KLHDC4: variants seen among roughly 807,000 people sequenced by gnomAD.
KLHDC4 encodes the protein kelch domain containing 4.
A neutral mutation model predicts 62.4 loss-of-function variants in KLHDC4; 90 were observed. The observed-to-expected ratio is 1.44, with a 90% CI of 1.22 to 1.72. The LOEUF (loss-of-function observed/expected upper bound fraction) is 1.72, where lower values mean the gene tolerates loss of function less well. Among genes scored for constraint, KLHDC4 ranks in the 40% most tolerant of loss-of-function variants. The pLI is 0.00. For synonymous variants in KLHDC4, 386 were observed against 284.4 expected (o/e 1.36, Z -3.59); for missense variants, 1,025 against 699.7 (o/e 1.47, Z -5.25).
chr16:87,707,470 C>G (rs559786546), downstream of KLHDC4, among the ~76,000 whole-genome samples: 1 of 152,086 alleles, frequency 6.6e-6, no homozygotes, highest in Non-Finnish European at 1.5e-5. Context: ...ACGAGACCCC[C>G]GTGTGCAGCC....
intron 4 of KLHDC4, among the ~76,000 whole-genome samples, chr16:87,754,371 G>C (rs1407404035): frequency 6.6e-6 from 1 of 152,256 alleles, no homozygotes; most frequent in Non-Finnish European, 1.5e-5. Flanking sequence ...AAATACAAGC[G>C]TATACAAATC....
exon 1 of KLHDC4, chr16:87,699,366 G>C (rs575870454): frequency 6.6e-6 from 1 of 152,258 alleles, no homozygotes; most frequent in Non-Finnish European, 1.5e-5. Context: ...CAATGCCTGA[G>C]CCGAGCTAAC....
At chr16:87,762,951 C>G (rs1412546167) in intron 1 of KLHDC4, among the ~76,000 whole-genome samples, 1 of 152,176 alleles carries the variant, frequency 6.6e-6, no homozygotes, top group Non-Finnish European at 1.5e-5. Context: ...CCAAGATACA[C>G]CAGCGTCCTC....
At chr16:87,762,203 G>T in intron 1 of KLHDC4, 163 bp from the exon 2 acceptor site, 2 of 1,404,154 alleles carry the variant, frequency 1.4e-6, no homozygotes, top group Non-Finnish European at 1.9e-6. Context: ...TGACACATTC[G>T]AAAGTAACCA....
intron 10 of KLHDC4, 87 bp downstream of exon 10, chr16:87,709,178 A>G: frequency 6.7e-7 from 1 of 1,503,126 alleles, no homozygotes; most frequent in Non-Finnish European, 9.0e-7. Flanking sequence ...GCCTCTGGGC[A>G]GCTTGCAGGG....
At chr16:87,765,675 C>G (rs896671586) in intron 1 of KLHDC4, 117 bp downstream of exon 1, 90 of 1,000,228 alleles carry the variant, frequency 9.0e-5, no homozygotes, top group Non-Finnish European at 1.1e-4. Context: ...GCCTCCAGCT[C>G]TCCCGCAGGG....
At chr16:87,755,737 G>C (rs897902476) in intron 3 of KLHDC4, 8 of 180,152 alleles carry the variant, frequency 4.4e-5, no homozygotes, top group Non-Finnish European at 9.5e-5. Flanking sequence ...GCTAATTTTT[G>C]TATCGTTAGC....
Position 87,755,084 on chromosome 16 carries a change from A to G in KLHDC4, c.369+110T>C. 3 of 688,464 alleles carry G rather than the reference A, an allele frequency of 4.4e-6. No homozygotes were observed. In the South Asian group the frequency reaches 5.3e-5, roughly 12 times the overall value. 42.6% of individuals were successfully genotyped at this position (688,464 alleles called of 1,614,324 possible). On this transcript the variant is annotated intron_variant, in intron 4 of 11. Coordinates refer to ENST00000270583, the MANE Select transcript of KLHDC4 (RefSeq NM_017566.4). Reference sequence around the variant, plus strand: ...CAAACAGCAGAACCAGGCGATCTACAGGGCCCAGCCCCTCCGCACCAGCTG... The same window carrying G: ...CAAACAGCAGAACCAGGCGATCTACGGGGCCCAGCCCCTCCGCACCAGCTG...
intron 7 of KLHDC4, among the ~76,000 whole-genome samples, chr16:87,716,971 G>C (rs977600458): frequency 7.2e-5 from 11 of 151,730 alleles, no homozygotes; most frequent in African/African-American, 2.7e-4. Flanking sequence ...ACCAAGATTT[G>C]CTGTAATCCC....
exon 1 of KLHDC4, chr16:87,698,670 G>A (rs2034004257): frequency 6.6e-6 from 1 of 152,258 alleles, no homozygotes; most frequent in Admixed American, 6.5e-5. Context: ...ATTCAACCAA[G>A]GCTAAAATGC....
At chr16:87,754,074 A>G (rs2044467411) in intron 4 of KLHDC4, among the ~76,000 whole-genome samples, 1 of 142,846 alleles carries the variant, frequency 7.0e-6, no homozygotes, top group African/African-American at 2.6e-5. Flanking sequence ...CAGGAGGCGG[A>G]AATTGCAGTG....
chr16:87,702,868 G>A (rs185043597), downstream of KLHDC4, among the ~76,000 whole-genome samples: 1 of 152,272 alleles, frequency 6.6e-6, no homozygotes, highest in Admixed American at 6.5e-5. Flanking sequence ...TTGATGAAGT[G>A]GTTTAAAAAG....
At position 87,749,043 on chromosome 16, in the gene KLHDC4, T is replaced by A. The variant is rs3751728; in HGVS notation, c.370-234A>T. 0.038 allele frequency among the ~76,000 whole-genome samples: 5,757 copies of A among 150,932 alleles called. 183 individuals are homozygous for A. Among genetic ancestry groups the A allele is most frequent in the Admixed American group, 0.089 (1,337 of 15,070 alleles). On this transcript the variant is annotated intron_variant, in intron 4 of 11. Transcript: ENST00000270583. ...TAATAAACCTTCATGTATCCCTAGG[T>A]TGCAAGATAAACATCCATTTACATG... is the stretch of plus-strand genomic sequence containing the variant.
intron 5 of KLHDC4, among the ~76,000 whole-genome samples, chr16:87,744,030 G>C (rs1032542608): frequency 6.6e-6 from 1 of 152,182 alleles, no homozygotes; most frequent in African/African-American, 2.4e-5. Flanking sequence ...TGTAATCCCA[G>C]CAATTTGGGA....
Position 87,709,541 on chromosome 16 carries a change from C to T in KLHDC4, c.1171G>A (p.Glu391Lys), listed in dbSNP as rs147099129. ...PVQLVKEVVA[E>K]DGTVVTIKQV... ...TTAATGGTGACCACGGTGCCATCCT[C>T]GGCCACCACCTCCTTGACCAGCTGC... The change falls in exon 10 of 12, where the codon GAG becomes AAG. Residue 391 changes from glutamate (E) to lysine (K), a missense_variant. Transcript: ENST00000270583. The T allele has an allele frequency of 3.0e-5, 49 of 1,612,560 alleles. No homozygotes were observed. The highest frequency in any genetic ancestry group is 2.3e-4 in the African/African-American group (17 of 75,052).
Position 87,756,379 on chromosome 16 carries a change from G to C in KLHDC4, c.270+20C>G. ...ATACTCACGCAACATGGGAAGAAAAGAAAAAAATATATACTTTACTTTTTG... is the reference window on the plus strand; with the variant it reads ...ATACTCACGCAACATGGGAAGAAAACAAAAAAATATATACTTTACTTTTTG... On this transcript the variant is annotated intron_variant, in intron 3 of 11. Transcript: ENST00000270583. 1 of 1,575,420 alleles carries C rather than the reference G, an allele frequency of 6.3e-7. No homozygotes were observed. Among genetic ancestry groups the C allele is most frequent in the Non-Finnish European group, 8.7e-7 (1 of 1,146,114 alleles).
chr16:87,712,085 G>A (rs954195863), intron 8 of KLHDC4, among the ~76,000 whole-genome samples: 3 of 151,478 alleles, frequency 2.0e-5, no homozygotes, highest in Admixed American at 6.6e-5. Context: ...AGGAGCCTTC[G>A]CCTGGGGTCT....
chr16:87,734,652 C>G (rs1273842080), intron 5 of KLHDC4, among the ~76,000 whole-genome samples: 1 of 152,132 alleles, frequency 6.6e-6, no homozygotes, highest in African/African-American at 2.4e-5. Flanking sequence ...TTCTAGACAC[C>G]AATTCTATTA....
Position 87,764,646 on chromosome 16 carries a change from CAAAAAAAAAAAAAA to C in KLHDC4, c.99+1132_99+1145del, listed in dbSNP as rs564692904. ...CTGGGCAACAAGAGTGAAACTCCTTCAAAAAAAAAAAAAAAAAAAAAAAAAAAAAGCAGAAAGCA... is the reference window on the plus strand; with the variant it reads ...CTGGGCAACAAGAGTGAAACTCCTTCAAAAAAAAAAAAAAAGCAGAAAGCA... On this transcript the variant is annotated intron_variant, in intron 1 of 11. Coordinates refer to ENST00000270583, the MANE Select transcript of KLHDC4 (RefSeq NM_017566.4). Among the ~76,000 whole-genome samples, 18 of 33,836 alleles carry C rather than the reference CAAAAAAAAAAAAAA, an allele frequency of 5.3e-4. 1 individual carries two copies. The South Asian group carries it at 0.016, about 31-fold the overall frequency. The allele number at this position is 33,836 out of a possible 152,430, so 22.2% of individuals were successfully genotyped here.
Sources: gnomAD v4.1 joint callset for allele counts (sites outside exome capture counted in the v4.1 genomes callset) on GRCh38, gnomAD v4.1.1 for gene constraint, MANE v1.5 for transcripts, NCBI Gene and HGNC (gene_info 2026-07-23, HGNC 2026-07-21) for gene names.